The following ARHGAP5 variants were observed in gnomAD, a reference collection of about 807,000 sequenced individuals.
ARHGAP5 encodes the protein Rho GTPase activating protein 5, also known as rho GTPase-activating protein 5.
Under a neutral mutation model 116.6 loss-of-function variants are expected in ARHGAP5, and 23 were observed. The ratio of observed to expected loss-of-function variants is 0.20; its 90% confidence interval spans 0.14 to 0.28. The LOEUF (loss-of-function observed/expected upper bound fraction) is 0.28, where lower values mean the gene tolerates loss of function less well. ARHGAP5 is among the 10% of genes least tolerant of loss of function. ARHGAP5 has a pLI of 1.00. For missense variants in ARHGAP5, 1,405 were observed against 1,774.8 expected, an observed-to-expected ratio of 0.79 and a Z score of 3.74; for synonymous variants, 574 against 602.0, an observed-to-expected ratio of 0.95 and a Z score of 0.68.
At chr14:32,141,299 A>C (rs1881113982) in intron 3 of ARHGAP5, among the ~76,000 whole-genome samples, 1 of 152,068 alleles carries the variant, frequency 6.6e-6, no homozygotes, top group Admixed American at 6.6e-5. Context: ...ATTTCAAATT[A>C]TTTTCTTAGT....
Position 32,091,496 on chromosome 14 carries a change from T to G in ARHGAP5, c.827T>G (p.Phe276Cys). ...CTTGTTGTCACAGCAACAGATAAGT[T>G]TGAAAAACTTGTGCAGACTGTGAGA... The part of the protein sequence containing the change: ...RQLVVTATDK[F>C]EKLVQTVRDY... The change falls in exon 2 of 7, where the codon TTT becomes TGT. Residue 276 changes from phenylalanine (F) to cysteine (C), a missense_variant. Coordinates refer to ENST00000345122, the MANE Select transcript of ARHGAP5 (RefSeq NM_001030055.2). 1 of 1,613,208 alleles carries G rather than the reference T, an allele frequency of 6.2e-7. No homozygotes were observed. Among genetic ancestry groups the G allele is most frequent in the South Asian group, 1.1e-5 (1 of 90,894 alleles).
chr14:32,100,466 A>T (rs921127505), intron 2 of ARHGAP5, among the ~76,000 whole-genome samples: 1 of 152,166 alleles, frequency 6.6e-6, no homozygotes, highest in Non-Finnish European at 1.5e-5. Context: ...CTAAAGTACT[A>T]GGACTACGTG....
At chr14:32,095,007 A>T (rs1878448209) in intron 2 of ARHGAP5, among the ~76,000 whole-genome samples, 1 of 152,160 alleles carries the variant, frequency 6.6e-6, no homozygotes, top group Admixed American at 6.5e-5. Flanking sequence ...TGTATTTAAT[A>T]ATTTTGACTT....
intron 2 of ARHGAP5, among the ~76,000 whole-genome samples, 200 bp from the exon 3 acceptor site, chr14:32,116,940 A>G (rs1879634300): frequency 6.6e-6 from 1 of 150,566 alleles, no homozygotes; most frequent in African/African-American, 2.4e-5. Flanking sequence ...TCAATAAGCC[A>G]TTTTTTTTTC....
At chr14:32,119,887 A>G (rs78039640) in intron 3 of ARHGAP5, among the ~76,000 whole-genome samples, 2,237 of 152,142 alleles carry the variant, frequency 0.015, 22 homozygotes, top group Non-Finnish European at 0.023. Context: ...TCATTTTCTA[A>G]AATGTTAAGG....
At chr14:32,080,222 TC>T (rs2041758110) in intron 1 of ARHGAP5, among the ~76,000 whole-genome samples, 1 of 151,836 alleles carries the variant, frequency 6.6e-6, no homozygotes. Flanking sequence ...CCTTGAGACT[TC>T]CTATGACAAC....
At chr14:32,086,803 T>TTAATTTCTATAAGGATATAGA (rs2041834011) in intron 1 of ARHGAP5, among the ~76,000 whole-genome samples, 1 of 151,946 alleles carries the variant, frequency 6.6e-6, no homozygotes, top group Non-Finnish European at 1.5e-5. Context: ...TGACACAATT[T>TTAATTTCTATAAGGATATAGA]TAATTTCTAT....
chr14:32,142,495 G>GTA, intron 3 of ARHGAP5, among the ~76,000 whole-genome samples: 2 of 152,186 alleles, frequency 1.3e-5, no homozygotes, highest in African/African-American at 2.4e-5. Context: ...ACTGAAGTCT[G>GTA]TTCTATTCAC....
At chr14:32,151,004 A>G (rs1881613020) in intron 5 of ARHGAP5, among the ~76,000 whole-genome samples, 1 of 152,180 alleles carries the variant, frequency 6.6e-6, no homozygotes, top group Non-Finnish European at 1.5e-5. Context: ...TTTTGGTTGC[A>G]AGTCTTCAGG....
chr14:32,124,289 T>C (rs1880037660), intron 3 of ARHGAP5, among the ~76,000 whole-genome samples: 1 of 152,154 alleles, frequency 6.6e-6, no homozygotes, highest in Non-Finnish European at 1.5e-5. Flanking sequence ...GTCTGAAAAC[T>C]GGTGTTTCAT....
rs1212524045 is a variant in ARHGAP5 at position 32,093,800 on chromosome 14, C to G, written c.3131C>G (p.Pro1044Arg). ...HKVPPPIKPKPVVPKTNVKKL... is the reference protein window; with the variant it reads ...HKVPPPIKPKRVVPKTNVKKL... ...GTGCCTCCACCTATTAAACCTAAAC[C>G]AGTTGTACCTAAGACAAATGTGAAA... is the stretch of plus-strand genomic sequence containing the variant. Residue 1044 changes from proline to arginine, a missense_variant, in exon 2 of 7, where the codon CCA becomes CGA. This residue lies in a region of ARHGAP5 where 944 missense variants were observed against 1,095.3 expected (regional missense o/e 0.86). Transcript: ENST00000345122. 1.9e-6 allele frequency: 3 copies of G among 1,613,792 alleles called. No homozygotes were observed. The African/African-American group carries it at 4.0e-5, about 22-fold the overall frequency.
Position 32,112,670 on chromosome 14 carries a change from A to C in ARHGAP5, c.3718-4470A>C, listed in dbSNP as rs184893160. On this transcript the variant is annotated intron_variant, in intron 2 of 6. Coordinates refer to ENST00000345122, the MANE Select transcript of ARHGAP5 (RefSeq NM_001030055.2). ...GGCAGATTACGAGGTCAGGAGATCG[A>C]GACCATCCTGGCTAACGTGGTGAAA... Among the ~76,000 whole-genome samples the C allele has an allele frequency of 1.8e-4, 27 of 152,318 alleles. No individual in the cohort carries two copies. In the East Asian group the frequency reaches 2.1e-3, roughly 12 times the overall value.
chr14:32,102,807 A>T (rs935987523), intron 2 of ARHGAP5, among the ~76,000 whole-genome samples: 1 of 152,280 alleles, frequency 6.6e-6, no homozygotes, highest in Non-Finnish European at 1.5e-5. Context: ...ACTACAATTT[A>T]TTTTGACTCA....
chr14:32,137,692 G>A (rs1365514519), intron 3 of ARHGAP5, among the ~76,000 whole-genome samples: 2 of 152,034 alleles, frequency 1.3e-5, no homozygotes, highest in African/African-American at 2.4e-5. Context: ...AGCCTTCCGG[G>A]CCAGGTGGGG....
At chr14:32,085,468 A>G (rs569197464) in intron 1 of ARHGAP5, among the ~76,000 whole-genome samples, 10 of 152,298 alleles carry the variant, frequency 6.6e-5, no homozygotes, top group African/African-American at 1.9e-4. Flanking sequence ...AACAAAAAAC[A>G]GTAAAGTAAT....
chr14:32,129,220 T>C (rs1315126182), intron 3 of ARHGAP5, among the ~76,000 whole-genome samples: 2 of 152,228 alleles, frequency 1.3e-5, no homozygotes, highest in Non-Finnish European at 2.9e-5. Flanking sequence ...TATATTTTAG[T>C]GGAAAGGCTT....
chr14:32,106,303 TAG>T (rs1879015668), intron 2 of ARHGAP5, among the ~76,000 whole-genome samples: 1 of 152,084 alleles, frequency 6.6e-6, no homozygotes, highest in South Asian at 2.1e-4. Flanking sequence ...GTATTTTTAG[TAG>T]AGACGGGCTT....
In ARHGAP5 at chr14:32,157,189, T is replaced by C. The variant is rs531160336; in HGVS notation, c.*2241T>C. The C allele has an allele frequency of 1.3e-5, 2 of 152,492 alleles. No homozygotes were observed. Among genetic ancestry groups the C allele is most frequent in the South Asian group, 2.1e-4 (1 of 4,828 alleles). 9.4% of individuals were successfully genotyped at this position (152,492 alleles called of 1,614,324 possible). A position where few individuals can be genotyped will look rare whatever the true frequency, so the allele number is the denominator to read the frequency against. On this transcript the variant is annotated 3_prime_UTR_variant, in exon 7 of 7. Coordinates refer to ENST00000345122, the MANE Select transcript of ARHGAP5 (RefSeq NM_001030055.2). ...TCAATTAACCAGTAGGTTACAGTTATTGAAAATTAAAGTACAGTTTAAAGC... is the reference window on the plus strand; with the variant it reads ...TCAATTAACCAGTAGGTTACAGTTACTGAAAATTAAAGTACAGTTTAAAGC...
At position 32,092,468 on chromosome 14, in the gene ARHGAP5, T is replaced by C. The variant is rs1878304977; in HGVS notation, c.1799T>C (p.Ile600Thr). ...STNIDKVNLF[I>T]LGKDGLAQEL... ...AATATAGATAAAGTTAACCTTTTTATTTTAGGGAAGGATGGCCTTGCCCAA... is the reference window on the plus strand; with the variant it reads ...AATATAGATAAAGTTAACCTTTTTACTTTAGGGAAGGATGGCCTTGCCCAA... The change falls in exon 2 of 7, where the codon ATT becomes ACT. Residue 600 changes from isoleucine to threonine, a missense_variant. Physicochemically the swap from Ile to Thr is moderately conservative, Grantham distance 89. Around this residue, in one of 6 missense-constraint regions of ARHGAP5, gnomAD observed 944 missense variants for 1,095.3 expected, o/e 0.86. Coordinates refer to ENST00000345122, the MANE Select transcript of ARHGAP5 (RefSeq NM_001030055.2). This position sits in a 1 kb window ranked among gnomAD's most constrained non-coding sequence, Gnocchi z 4.1. 3.1e-6 allele frequency: 5 copies of C among 1,613,860 alleles called. No homozygotes were observed. The highest frequency in any genetic ancestry group is 1.3e-5 in the African/African-American group (1 of 74,920).
Sources: gnomAD v4.1 joint callset for allele counts (sites outside exome capture counted in the v4.1 genomes callset) on GRCh38, gnomAD v4.1.1 for gene constraint, gnomAD v4.1.1 regional missense constraint, Gnocchi (gnomAD v3.1) non-coding constraint, MANE v1.5 for transcripts, NCBI Gene and HGNC (gene_info 2026-07-23, HGNC 2026-07-21) for gene names.